TBC1D9B: variants seen among roughly 807,000 people sequenced by gnomAD.
TBC1D9B encodes TBC1 domain family, member 9B (with GRAM domain).
TBC1D9B carries 87 observed loss-of-function variants against 121.1 expected under a neutral mutation model. That is an observed-to-expected ratio of 0.72 (90% CI 0.60 to 0.86). The LOEUF (loss-of-function observed/expected upper bound fraction) is 0.86, where lower values mean the gene tolerates loss of function less well. TBC1D9B is among the 40% of genes least tolerant of loss of function. The pLI is 0.00. For missense variants in TBC1D9B, 1,540 were observed against 1,628.6 expected (o/e 0.95, Z 0.94); for synonymous variants, 668 against 670.1 (o/e 1.00, Z 0.05).
chr5:179,867,478 C>G (rs374973998), intron 18 of TBC1D9B: 107 of 1,560,030 alleles, frequency 6.9e-5, no homozygotes, highest in Non-Finnish European at 8.7e-5. Context: ...AGATCCAGAT[C>G]TGAGGCCAGA....
chr5:179,896,822 C>A (rs1256563834), intron 3 of TBC1D9B, among the ~76,000 whole-genome samples: 1 of 152,194 alleles, frequency 6.6e-6, no homozygotes, highest in East Asian at 1.9e-4. Context: ...CCACGCCCAG[C>A]CCCATTTTGT....
At chr5:179,886,527 C>T (rs1370192193) in intron 7 of TBC1D9B, among the ~76,000 whole-genome samples, 1 of 152,212 alleles carries the variant, frequency 6.6e-6, no homozygotes, top group African/African-American at 2.4e-5. Flanking sequence ...CTTCTCCACA[C>T]CTTTCTTCAT....
intron 7 of TBC1D9B, among the ~76,000 whole-genome samples, chr5:179,881,368 G>A (rs1028989847): frequency 2.6e-5 from 4 of 152,078 alleles, no homozygotes; most frequent in African/African-American, 7.2e-5. Flanking sequence ...GGAACAATCC[G>A]AGCCCTCCAC....
At position 179,875,644 on chromosome 5, in the gene TBC1D9B, G is replaced by A. The variant is rs1346522374; in HGVS notation, c.1900+276C>T. On this transcript the variant is annotated intron_variant, in intron 11 of 20. Transcript: ENST00000355235. The surrounding 1 kb of genome is among the most constrained non-coding windows in gnomAD (Gnocchi z 4.5). The stretch of plus-strand genomic sequence containing the variant: ...CTTCATAACAGATTTCACTGGATAT[G>A]AGTTCAGTAAAGTTGAGCATCAGGT... Among the ~76,000 whole-genome samples the A allele has an allele frequency of 1.3e-5, 2 of 152,200 alleles. No individual in the cohort carries two copies. Among genetic ancestry groups the A allele is most frequent in the Non-Finnish European group, 2.9e-5 (2 of 68,042 alleles).
chr5:179,894,401 G>A lies in TBC1D9B; in HGVS notation c.562C>T (p.Leu188=). 2.5e-6 allele frequency: 4 copies of A among 1,613,410 alleles called. No individual in the cohort carries two copies. The highest frequency in any genetic ancestry group is 1.7e-5 in the Admixed American group (1 of 59,950). ...GCGGGCTCACCTTCCTTCCCCAGCA[G>A]GAAGGAGTAGAAGCACAGGTGGTTG... ...TVNHLCFYSF[L]LGKEVSLVVQ... is the part of the protein sequence containing the mutation. Residue 188 remains leucine, a synonymous_variant, in exon 4 of 21, where the codon CTG becomes TTG. Coordinates refer to ENST00000355235, the MANE Select transcript of TBC1D9B (RefSeq NM_015043.4).
At chr5:179,864,243 T>C in intron 20 of TBC1D9B, 115 bp from the exon 21 acceptor site, 1 of 1,054,536 alleles carries the variant, frequency 9.5e-7, no homozygotes, top group South Asian at 1.7e-5. Context: ...GCCGTCTTGC[T>C]AATCATCTCC....
At chr5:179,900,051 G>A (rs1321396152) in intron 2 of TBC1D9B, among the ~76,000 whole-genome samples, 5 of 152,028 alleles carry the variant, frequency 3.3e-5, no homozygotes, top group Non-Finnish European at 5.9e-5. Context: ...GCAGCATGGC[G>A]AAACCAAAAA....
At position 179,868,042 on chromosome 5, in the gene TBC1D9B, C is replaced by A. The variant is rs1196310913; in HGVS notation, c.2792-193G>T. ...GGTTCTGGTTATTTGTTACTTTCCT[C>A]AGCTTTTTTTTTTTTAATGGACTCT... On this transcript the variant is annotated intron_variant, in intron 17 of 20. Transcript: ENST00000355235. 9.0e-6 allele frequency: 4 copies of A among 446,540 alleles called. No individual in the cohort carries two copies. The Admixed American group carries it at 1.5e-4, about 17-fold the overall frequency. 27.7% of individuals were successfully genotyped at this position (446,540 alleles called of 1,614,324 possible).
rs754269563 is a variant in TBC1D9B at position 179,893,280 on chromosome 5, G to C, written c.765C>G (p.Ser255Arg). ...GGGCCTTGTCCTCCAGGAAGCCCTCGCTGTCCAGCAGCTGCCGCATGGCCA... is the reference window on the plus strand; with the variant it reads ...GGGCCTTGTCCTCCAGGAAGCCCTCCCTGTCCAGCAGCTGCCGCATGGCCA... ...ANLAMRQLLD[S>R]EGFLEDKALP... The change falls in exon 5 of 21, where the codon AGC becomes AGG. Residue 255 changes from serine (S) to arginine (R), a missense_variant. By Grantham distance (110) the Ser-to-Arg change is moderately radical. Coordinates refer to ENST00000355235, the MANE Select transcript of TBC1D9B (RefSeq NM_015043.4). The C allele has an allele frequency of 6.2e-7, 1 of 1,613,836 alleles. No homozygotes were observed. The highest frequency in any genetic ancestry group is 8.5e-7 in the Non-Finnish European group (1 of 1,180,018).
chr5:179,894,140 G>T (rs32438), intron 4 of TBC1D9B, among the ~76,000 whole-genome samples: 2 of 152,024 alleles, frequency 1.3e-5, no homozygotes, highest in Admixed American at 1.3e-4. Context: ...AGCAGAAGAG[G>T]GCAGGGCAGG....
Position 179,888,365 on chromosome 5 carries a change from G to C in TBC1D9B, c.1045-53C>G, listed in dbSNP as rs181071053. On this transcript the variant is annotated intron_variant, in intron 6 of 20. Transcript: ENST00000355235. ...TGTCTGCATCTCAGGCCCTGCAGCT[G>C]GGCATGCTTTGTGAATGGCAGACTG... 1,969 of 1,575,698 alleles carry C rather than the reference G, an allele frequency of 1.2e-3. 2 individuals are homozygous for C. The highest frequency in any genetic ancestry group is 1.5e-3 in the Non-Finnish European group (1,719 of 1,153,836).
intron 7 of TBC1D9B, among the ~76,000 whole-genome samples, chr5:179,883,668 T>G (rs915336829): frequency 6.6e-6 from 1 of 152,222 alleles, no homozygotes; most frequent in East Asian, 1.9e-4. Context: ...GTTTTTCTAA[T>G]TCCTTTGAGA....
At chr5:179,882,919 G>A (rs778171744) in intron 7 of TBC1D9B, among the ~76,000 whole-genome samples, 7 of 152,274 alleles carry the variant, frequency 4.6e-5, no homozygotes, top group Admixed American at 2.0e-4. Flanking sequence ...TCTCAGGATC[G>A]TGGCCCATTG....
Position 179,871,533 on chromosome 5 carries a change from A to T in TBC1D9B, c.2416-3T>A. ...ATGTCCACAGGTATAGCTCGGACCT[A>T]GAAGGAAGGAGAAACAGGGTATATA... On this transcript the variant is annotated splice_region_variant and splice_polypyrimidine_tract_variant and intron_variant, in intron 14 of 20. Transcript: ENST00000355235. 1 of 1,612,218 alleles carries T rather than the reference A, an allele frequency of 6.2e-7. No individual in the cohort carries two copies. Among genetic ancestry groups the T allele is most frequent in the East Asian group, 2.2e-5 (1 of 44,872 alleles).
intron 3 of TBC1D9B, among the ~76,000 whole-genome samples, chr5:179,896,492 T>C (rs999299440): frequency 3.3e-5 from 5 of 152,220 alleles, no homozygotes; most frequent in African/African-American, 1.2e-4. Flanking sequence ...TGGAAATTAA[T>C]AAATGTTATT....
chr5:179,876,291 A>G (rs1227326623), intron 10 of TBC1D9B, among the ~76,000 whole-genome samples: 2 of 152,224 alleles, frequency 1.3e-5, no homozygotes, highest in Non-Finnish European at 2.9e-5. Flanking sequence ...GGAAATGTCA[A>G]AAGGCAATTT....
intron 3 of TBC1D9B, among the ~76,000 whole-genome samples, chr5:179,896,583 C>T (rs547618334): frequency 1.3e-4 from 20 of 152,116 alleles, no homozygotes; most frequent in South Asian, 4.1e-4. Flanking sequence ...AATGCTGTGG[C>T]GCAATCTTGG....
intron 18 of TBC1D9B, chr5:179,866,782 T>G (rs1309130977): frequency 6.6e-6 from 1 of 152,476 alleles, no homozygotes; most frequent in African/African-American, 2.4e-5. Flanking sequence ...TCTGCCACTG[T>G]CACCAGGACT....
intron 17 of TBC1D9B, 144 bp downstream of exon 17, chr5:179,869,625 T>G (rs1760125387): frequency 1.1e-6 from 1 of 877,884 alleles, no homozygotes; most frequent in Non-Finnish European, 1.8e-6. Context: ...AAGCTCCCGC[T>G]CCCTCTCCTC....
Sources: allele counts gnomAD v4.1 joint callset (sites outside exome capture counted in the v4.1 genomes callset), GRCh38; gene constraint gnomAD v4.1.1; non-coding constraint Gnocchi (gnomAD v3.1); transcripts MANE v1.5; gene names NCBI Gene and HGNC (gene_info 2026-07-23, HGNC 2026-07-21).